Variants in RNF17 observed in about 807,000 individuals in gnomAD.
RNF17 encodes the protein spermatogenesis associated 23.
Under a neutral mutation model 200.5 loss-of-function variants are expected in RNF17, and 31 were observed. The observed-to-expected ratio is 0.15, with a 90% CI of 0.12 to 0.21. The LOEUF (loss-of-function observed/expected upper bound fraction) is 0.21, where lower values mean the gene tolerates loss of function less well. RNF17 is among the 10% of genes least tolerant of loss of function. RNF17 has a pLI of 1.00. For missense variants in RNF17, 1,628 were observed against 1,905.1 expected (o/e 0.85, Z 2.71); for synonymous variants, 606 against 637.8 (o/e 0.95, Z 0.75).
chr13:24,760,827 C>T (rs573303313), upstream of RNF17, among the ~76,000 whole-genome samples: 24 of 152,220 alleles, frequency 1.6e-4, no homozygotes, highest in African/African-American at 5.3e-4. Flanking sequence ...ATAGACATTT[C>T]TCAAAAGATG....
intron 11 of RNF17, 96 bp from the exon 12 acceptor site, chr13:24,799,299 T>G (rs1451184295): frequency 1.1e-6 from 1 of 898,856 alleles, no homozygotes; most frequent in East Asian, 2.4e-5. Flanking sequence ...ATAAACGAAT[T>G]AAGACTTTTT....
chr13:24,813,955 C>T (rs1887082820), intron 15 of RNF17, among the ~76,000 whole-genome samples: 1 of 151,798 alleles, frequency 6.6e-6, no homozygotes, highest in Non-Finnish European at 1.5e-5. Flanking sequence ...AGCCTCGACA[C>T]TCAGTCTGCG....
intron 2 of RNF17, among the ~76,000 whole-genome samples, chr13:24,772,015 A>T (rs1013069595): frequency 3.3e-5 from 5 of 152,166 alleles, no homozygotes; most frequent in Non-Finnish European, 5.9e-5. Context: ...AAGACAAAAA[A>T]GTGGGGGCGG....
intron 33 of RNF17, among the ~76,000 whole-genome samples, chr13:24,874,867 A>C (rs1370510791): frequency 6.6e-6 from 1 of 152,202 alleles, no homozygotes; most frequent in Non-Finnish European, 1.5e-5. Context: ...ATTCTCACCC[A>C]GTCCCTAGTA....
chr13:24,786,600 T>C (rs959658150), intron 6 of RNF17, among the ~76,000 whole-genome samples: 1 of 152,214 alleles, frequency 6.6e-6, no homozygotes, highest in African/African-American at 2.4e-5. Flanking sequence ...GGTAATGAAC[T>C]CCCTCAGCTT....
At chr13:24,813,788 C>T (rs892379617) in intron 15 of RNF17, among the ~76,000 whole-genome samples, 28 of 135,384 alleles carry the variant, frequency 2.1e-4, no homozygotes, top group Non-Finnish European at 2.0e-4. Context: ...CAGCACAGCT[C>T]GCTAATTTTT....
intron 15 of RNF17, among the ~76,000 whole-genome samples, chr13:24,816,861 C>T (rs1380812674): frequency 6.6e-6 from 1 of 152,190 alleles, no homozygotes; most frequent in African/African-American, 2.4e-5. Context: ...TTGTCCCATT[C>T]ACCAAGATAA....
At chr13:24,841,338 T>G (rs775796591) in intron 18 of RNF17, among the ~76,000 whole-genome samples, 7 of 152,340 alleles carry the variant, frequency 4.6e-5, no homozygotes, top group Middle Eastern at 3.4e-3. Flanking sequence ...AGCTTAAACC[T>G]TTGCAGATGA....
chr13:24,868,986 C>T (rs1241693541), intron 31 of RNF17, among the ~76,000 whole-genome samples: 3 of 152,142 alleles, frequency 2.0e-5, no homozygotes, highest in African/African-American at 4.8e-5. Context: ...AAGGTGGAAC[C>T]GTTTCTACCT....
chr13:24,856,399 G>A (rs1389068004), intron 25 of RNF17, among the ~76,000 whole-genome samples: 2 of 131,200 alleles, frequency 1.5e-5, no homozygotes, highest in Admixed American at 9.0e-5. Context: ...CAGCCTGGGT[G>A]ACAGAGCAAG....
intron 33 of RNF17, among the ~76,000 whole-genome samples, chr13:24,874,530 C>T (rs1030900923): frequency 6.6e-6 from 1 of 151,866 alleles, no homozygotes; most frequent in Non-Finnish European, 1.5e-5. Flanking sequence ...CTGCCTCAGC[C>T]TCCCTAGTAG....
intron 18 of RNF17, among the ~76,000 whole-genome samples, chr13:24,836,737 G>GAAAT (rs1184347220): frequency 6.6e-6 from 1 of 152,014 alleles, no homozygotes; most frequent in Non-Finnish European, 1.5e-5. Flanking sequence ...ACAAATCCTG[G>GAAAT]AAATACATCA....
At chr13:24,858,787 C>T (rs1380973858) in intron 25 of RNF17, among the ~76,000 whole-genome samples, 1 of 151,890 alleles carries the variant, frequency 6.6e-6, no homozygotes, top group African/African-American at 2.4e-5. Flanking sequence ...GTGTTTAGAG[C>T]TCCTTATGAT....
chr13:24,851,324 A>G, intron 23 of RNF17, 132 bp from the exon 24 acceptor site: 1 of 709,092 alleles, frequency 1.4e-6, no homozygotes, highest in Non-Finnish European at 2.4e-6. Context: ...TTTAGATATC[A>G]AAATAACTTG....
At chr13:24,758,374 T>C in the RNF17 span, among the ~76,000 whole-genome samples, 1 of 152,232 alleles carries the variant, frequency 6.6e-6, no homozygotes, top group Non-Finnish European at 1.5e-5. Flanking sequence ...CTTTTTATGA[T>C]GATAGACATC....
intron 33 of RNF17, among the ~76,000 whole-genome samples, chr13:24,875,848 ATCT>A (rs1404303579): frequency 6.6e-5 from 10 of 152,156 alleles, no homozygotes; most frequent in South Asian, 6.2e-4. Context: ...GAATGACAAC[ATCT>A]TCTTCTTTTG....
At chr13:24,855,799 G>C (rs1460043516) in intron 25 of RNF17, among the ~76,000 whole-genome samples, 1 of 152,170 alleles carries the variant, frequency 6.6e-6, no homozygotes, top group Non-Finnish European at 1.5e-5. Flanking sequence ...TAGTGGATGT[G>C]AAATTGTCTC....
the RNF17 span, chr13:24,885,242 T>G: frequency 7.3e-7 from 1 of 1,368,214 alleles, no homozygotes; most frequent in East Asian, 2.3e-5. Flanking sequence ...GTTTATTTTT[T>G]ATAGAATTCA....
chr13:24,811,220 A>G (rs1313488924), intron 15 of RNF17, among the ~76,000 whole-genome samples: 2 of 151,214 alleles, frequency 1.3e-5, no homozygotes, highest in African/African-American at 4.8e-5. Context: ...TCTCCTGGAT[A>G]ATATCCTGCA....
Sources: gnomAD v4.1 joint callset for allele counts (sites outside exome capture counted in the v4.1 genomes callset) on GRCh38, gnomAD v4.1.1 for gene constraint, MANE v1.5 for transcripts, NCBI Gene and HGNC (gene_info 2026-07-23, HGNC 2026-07-21) for gene names.